Variants in ARHGAP22 observed in about 807,000 individuals in gnomAD.
The protein encoded by ARHGAP22 is rho GTPase-activating protein 22.
In ARHGAP22, 48 loss-of-function variants were observed where a neutral mutation model predicts 59.1. The observed-to-expected ratio is 0.81, with a 90% confidence interval of 0.64 to 1.03. ARHGAP22 has a LOEUF of 1.03. ARHGAP22 is among the 50% of genes least tolerant of loss of function. The pLI, the probability that ARHGAP22 is intolerant of heterozygous loss-of-function variation, is 0.00. For missense variants in ARHGAP22, 1,015 were observed against 958.7 expected (o/e 1.06, Z -0.78); for synonymous variants, 445 against 416.4 (o/e 1.07, Z -0.84).
chr10:48,577,162 G>GT (rs1246265118), intron 2 of ARHGAP22, among the ~76,000 whole-genome samples: 9 of 152,076 alleles, frequency 5.9e-5, no homozygotes, highest in Non-Finnish European at 5.9e-5. Context: ...CTTCTTTGGA[G>GT]TTTTTTATTC....
In ARHGAP22 at chr10:48,446,567, C is replaced by CTT. The variant is rs1376739431; in HGVS notation, c.1919_1920dup (p.Glu641LysfsTer15). On this transcript the variant is annotated frameshift_variant, in exon 10 of 10. Coordinates refer to ENST00000249601, the MANE Select transcript of ARHGAP22 (RefSeq NM_021226.4). LOFTEE classifies it high-confidence loss of function. The stretch of plus-strand genomic sequence containing the variant: ...TATTTTTTCTTTTCCTGGTCCAGTT[C>CTT]TTCTTCTAACCGGGACATTCGTTTT... 1 of 1,614,166 alleles carries CTT rather than the reference C, an allele frequency of 6.2e-7. No homozygotes were observed. The highest frequency in any genetic ancestry group is 1.7e-5 in the Admixed American group (1 of 60,018).
chr10:48,443,857 G>C (rs1456225998), downstream of ARHGAP22: 1 of 152,006 alleles, frequency 6.6e-6, no homozygotes, highest in Non-Finnish European at 1.5e-5. Flanking sequence ...TTCTATTTCT[G>C]TTTCTCACAC....
chr10:48,520,995 A>C (rs2053755339), intron 3 of ARHGAP22, among the ~76,000 whole-genome samples: 1 of 152,148 alleles, frequency 6.6e-6, no homozygotes, highest in South Asian at 2.1e-4. Flanking sequence ...ATTTGCCACC[A>C]AACAGACCCA....
chr10:48,525,529 G>A (rs1443468957), intron 3 of ARHGAP22, among the ~76,000 whole-genome samples: 4 of 152,108 alleles, frequency 2.6e-5, no homozygotes, highest in African/African-American at 7.2e-5. Flanking sequence ...GCCGAGATTC[G>A]GCCACTGCAC....
intron 3 of ARHGAP22, among the ~76,000 whole-genome samples, chr10:48,553,909 T>C (rs2057100639): frequency 6.6e-6 from 1 of 152,158 alleles, no homozygotes; most frequent in African/African-American, 2.4e-5. Flanking sequence ...CTTGAGTCAC[T>C]ACCCCTGTCC....
chr10:48,461,178 A>C (rs1209193316), intron 4 of ARHGAP22, among the ~76,000 whole-genome samples: 3 of 149,224 alleles, frequency 2.0e-5, no homozygotes, highest in Non-Finnish European at 4.4e-5. Flanking sequence ...ATTAGAAGAC[A>C]AAAAAAATCA....
intron 1 of ARHGAP22, chr10:48,652,189 T>A: frequency 3.3e-6 from 5 of 1,509,536 alleles, no homozygotes; most frequent in Non-Finnish European, 4.5e-6. Flanking sequence ...AGAAGTCAAA[T>A]GCAAAGGTAA....
chr10:48,475,666 T>C (rs2048648393), intron 4 of ARHGAP22, among the ~76,000 whole-genome samples: 1 of 152,202 alleles, frequency 6.6e-6, no homozygotes, highest in Admixed American at 6.5e-5. Context: ...AAATCAAGAA[T>C]TCAATGACTT....
intron 3 of ARHGAP22, among the ~76,000 whole-genome samples, chr10:48,516,802 G>C (rs1479441134): frequency 1.3e-5 from 2 of 152,082 alleles, no homozygotes; most frequent in Non-Finnish European, 2.9e-5. Flanking sequence ...GAAAACTACA[G>C]ACCAATATCT....
At chr10:48,621,659 A>G (rs2061290818) in intron 1 of ARHGAP22, among the ~76,000 whole-genome samples, 1 of 152,220 alleles carries the variant, frequency 6.6e-6, no homozygotes. Context: ...TGCCTGTAGA[A>G]AAAAGGTTTA....
chr10:48,486,392 G>C (rs1274345564), intron 3 of ARHGAP22, among the ~76,000 whole-genome samples: 1 of 151,654 alleles, frequency 6.6e-6, no homozygotes, highest in East Asian at 1.9e-4. Flanking sequence ...GGCTGGAGTG[G>C]AGTGGTGCAA....
At chr10:48,605,152 G>A (rs1258166624), upstream of ARHGAP22, 1 of 1,169,622 alleles carries the variant, frequency 8.5e-7, no homozygotes, top group Non-Finnish European at 1.1e-6. Flanking sequence ...GCGGGGCGGG[G>A]CCGAGAGGGG....
At chr10:48,544,584 T>C (rs2056263889) in intron 3 of ARHGAP22, among the ~76,000 whole-genome samples, 1 of 152,366 alleles carries the variant, frequency 6.6e-6, no homozygotes, top group South Asian at 2.1e-4. Context: ...TTTACATTAG[T>C]TTAAAAACTG....
chr10:48,582,748 A>G (rs964378450), intron 2 of ARHGAP22: 8 of 604,316 alleles, frequency 1.3e-5, no homozygotes, highest in African/African-American at 1.3e-4. Context: ...TTTTCATTGC[A>G]GAAGTTGTGG....
intron 3 of ARHGAP22, among the ~76,000 whole-genome samples, chr10:48,534,174 G>A (rs1205598100): frequency 6.6e-6 from 1 of 152,250 alleles, no homozygotes; most frequent in African/African-American, 2.4e-5. Flanking sequence ...TGCTGTTCAT[G>A]GAAGGAATGT....
chr10:48,481,627 C>G (rs967577832), intron 3 of ARHGAP22, among the ~76,000 whole-genome samples: 4 of 152,202 alleles, frequency 2.6e-5, no homozygotes, highest in African/African-American at 9.7e-5. Flanking sequence ...AACGTGCTCT[C>G]AGCCTGTCTA....
At chr10:48,516,249 G>C (rs942981512) in intron 3 of ARHGAP22, among the ~76,000 whole-genome samples, 1 of 152,202 alleles carries the variant, frequency 6.6e-6, no homozygotes, top group Non-Finnish European at 1.5e-5. Flanking sequence ...TTGTGGCCAG[G>C]TACAGTGGCT....
At chr10:48,635,376 T>C (rs2061775403) in intron 1 of ARHGAP22, among the ~76,000 whole-genome samples, 2 of 152,240 alleles carry the variant, frequency 1.3e-5, no homozygotes, top group African/African-American at 4.8e-5. Context: ...CTCCGTAACT[T>C]GTCCCAGCCC....
At chr10:48,627,243 T>A (rs769464423) in intron 1 of ARHGAP22, among the ~76,000 whole-genome samples, 1 of 152,272 alleles carries the variant, frequency 6.6e-6, no homozygotes, top group Admixed American at 6.5e-5. Context: ...GTCATTCTAG[T>A]GAATTATCAA....
Sources: gnomAD v4.1 joint callset for allele counts (sites outside exome capture counted in the v4.1 genomes callset) on GRCh38, gnomAD v4.1.1 for gene constraint, MANE v1.5 for transcripts, NCBI Gene and HGNC (gene_info 2026-07-23, HGNC 2026-07-21) for gene names.